Variants in SLC35F3 observed in about 807,000 individuals in gnomAD.
SLC35F3 encodes the protein putative thiamine transporter SLC35F3.
Under a neutral mutation model 49.9 loss-of-function variants are expected in SLC35F3, and 25 were observed. The ratio of observed to expected loss-of-function variants is 0.50; its 90% CI spans 0.37 to 0.70. SLC35F3 has a LOEUF of 0.70. Ranked by LOEUF, SLC35F3 falls within the 30% of genes least tolerant of loss-of-function variation. The pLI is 0.00. For missense variants in SLC35F3, 525 were observed against 639.8 expected, an observed-to-expected ratio of 0.82 and a Z score of 1.94; for synonymous variants, 275 against 265.4, an observed-to-expected ratio of 1.04 and a Z score of -0.35.
chr1:234,157,836 C>T (rs1252726654), intron 2 of SLC35F3, among the ~76,000 whole-genome samples: 1 of 152,164 alleles, frequency 6.6e-6, no homozygotes, highest in African/African-American at 2.4e-5. Context: ...CCAGAAATAA[C>T]TCTGTTGAAA....
intron 2 of SLC35F3, among the ~76,000 whole-genome samples, chr1:234,087,389 A>G (rs1170403207): frequency 6.6e-6 from 1 of 152,230 alleles, no homozygotes; most frequent in Non-Finnish European, 1.5e-5. Context: ...TGGAGCCGGT[A>G]TTATCCGAAG....
chr1:234,035,457 G>A (rs1664128536), intron 2 of SLC35F3, among the ~76,000 whole-genome samples: 1 of 152,062 alleles, frequency 6.6e-6, no homozygotes, highest in Non-Finnish European at 1.5e-5. Flanking sequence ...GCCTTAACGT[G>A]GGTTTATTTT....
At chr1:233,974,960 T>C (rs962534572) in intron 2 of SLC35F3, among the ~76,000 whole-genome samples, 3 of 152,180 alleles carry the variant, frequency 2.0e-5, no homozygotes, top group South Asian at 4.1e-4. Context: ...CAGAAAGGCT[T>C]AGAGAGAAGA....
At chr1:234,296,483 G>A (rs1251640395) in intron 3 of SLC35F3, among the ~76,000 whole-genome samples, 1 of 152,194 alleles carries the variant, frequency 6.6e-6, no homozygotes, top group Non-Finnish European at 1.5e-5. Flanking sequence ...ATGTGCAGAG[G>A]TTCAGAAGGT....
chr1:234,137,653 C>T (rs186320253), intron 2 of SLC35F3, among the ~76,000 whole-genome samples: 24 of 152,238 alleles, frequency 1.6e-4, no homozygotes, highest in Non-Finnish European at 2.4e-4. Flanking sequence ...ATCTTCGTGT[C>T]GTTAGTTACA....
chr1:234,230,601 G>A (rs778889867), intron 2 of SLC35F3, among the ~76,000 whole-genome samples: 1 of 152,188 alleles, frequency 6.6e-6, no homozygotes, highest in Non-Finnish European at 1.5e-5. Flanking sequence ...GCAAACAGTG[G>A]AAAATAACGC....
chr1:234,001,192 G>T (rs1473523489), intron 2 of SLC35F3, among the ~76,000 whole-genome samples: 5 of 152,138 alleles, frequency 3.3e-5, no homozygotes, highest in Non-Finnish European at 5.9e-5. Context: ...ACCTCAAAGT[G>T]TTCACACTTT....
At chr1:233,932,732 A>G (rs920560435) in intron 2 of SLC35F3, among the ~76,000 whole-genome samples, 8 of 152,292 alleles carry the variant, frequency 5.3e-5, no homozygotes, top group African/African-American at 1.9e-4. Context: ...CAGGATGATG[A>G]CCACCTAGGA....
At chr1:234,282,658 A>C (rs1668348656) in intron 3 of SLC35F3, among the ~76,000 whole-genome samples, 2 of 152,194 alleles carry the variant, frequency 1.3e-5, no homozygotes, top group African/African-American at 2.4e-5. Flanking sequence ...GCTCTCACCC[A>C]GTTCTTTTTG....
intron 2 of SLC35F3, among the ~76,000 whole-genome samples, chr1:234,188,250 A>AG (rs1349237261): frequency 6.6e-6 from 1 of 151,906 alleles, no homozygotes; most frequent in East Asian, 1.9e-4. Context: ...AAAAAAAAAA[A>AG]AAGTCCTGCT....
In SLC35F3 at chr1:234,323,554, G is replaced by T. The variant is rs750074113; in HGVS notation, c.*311G>T. On this transcript the variant is annotated 3_prime_UTR_variant, in exon 8 of 8. Coordinates refer to ENST00000366618, the MANE Select transcript of SLC35F3 (RefSeq NM_173508.4). The surrounding 1 kb of genome is among the most constrained non-coding windows in gnomAD (Gnocchi z 4.5). ...CTTGACAAGCCAGCCATCAGGGCAAGTGTTTTGAATCTTAGCAAGTGTTTT... is the reference window on the plus strand; with the variant it reads ...CTTGACAAGCCAGCCATCAGGGCAATTGTTTTGAATCTTAGCAAGTGTTTT... 23 of 394,936 alleles carry T rather than the reference G, an allele frequency of 5.8e-5. No individual in the cohort carries two copies. Among genetic ancestry groups the T allele is most frequent in the Admixed American group, 2.1e-4 (5 of 23,938 alleles). The allele number at this position is 394,936 out of a possible 1,614,324, so 24.5% of individuals were successfully genotyped here.
intron 3 of SLC35F3, among the ~76,000 whole-genome samples, chr1:234,248,019 A>G (rs1667669280): frequency 1.4e-5 from 2 of 144,188 alleles, no homozygotes; most frequent in Middle Eastern, 5.9e-3. Context: ...CGGTGGGTTG[A>G]TTGGCTGGTC....
chr1:233,953,159 G>A (rs144733037), intron 2 of SLC35F3, among the ~76,000 whole-genome samples: 5 of 152,230 alleles, frequency 3.3e-5, no homozygotes, highest in East Asian at 1.9e-4. Flanking sequence ...ATAACATTGA[G>A]TTGTGAGAAT....
rs1253813366 is a variant in SLC35F3 at position 233,928,991 on chromosome 1, T to TA, written c.283+23234dup. On this transcript the variant is annotated intron_variant, in intron 2 of 7. Transcript: ENST00000366618. ...AAGTCTTAGTGGCTTCAAGCAATAG[T>TA]ACAAACATTTAAAGCCTGTGTTCTC... Among the ~76,000 whole-genome samples the TA allele has an allele frequency of 2.6e-5, 4 of 152,260 alleles. No individual in the cohort carries two copies. The East Asian group carries it at 5.8e-4, about 22-fold the overall frequency.
chr1:233,954,297 C>A (rs1006540601), intron 2 of SLC35F3, among the ~76,000 whole-genome samples: 35 of 152,294 alleles, frequency 2.3e-4, no homozygotes, highest in Middle Eastern at 3.4e-3. Flanking sequence ...TGAGCCACTG[C>A]TCCCGGCCTA....
At chr1:234,268,965 C>T (rs2102973269) in intron 3 of SLC35F3, 1 of 152,202 alleles carries the variant, frequency 6.6e-6, no homozygotes, top group Middle Eastern at 3.4e-3. Context: ...ATATATAGTA[C>T]ATACCTATTA....
Position 234,214,348 on chromosome 1 carries a change from A to G in SLC35F3, c.284-17069A>G. ...ACGCGGCAACCGGAGCCCGGCGGGC[A>G]GCCGGGGAGGCCGGGACTGAGAGGG... is the stretch of plus-strand genomic sequence containing the variant. On this transcript the variant is annotated intron_variant, in intron 2 of 7. Transcript: ENST00000366618. The surrounding 1 kb of genome is among the most constrained non-coding windows in gnomAD (Gnocchi z 8.0). 2.3e-6 allele frequency: 3 copies of G among 1,314,542 alleles called. No individual in the cohort carries two copies. The highest frequency in any genetic ancestry group is 2.9e-6 in the Non-Finnish European group (3 of 1,033,390). 81.4% of individuals were successfully genotyped at this position (1,314,542 alleles called of 1,614,324 possible).
At chr1:234,262,714 T>C (rs958216238) in intron 3 of SLC35F3, among the ~76,000 whole-genome samples, 1 of 152,222 alleles carries the variant, frequency 6.6e-6, no homozygotes, top group African/African-American at 2.4e-5. Flanking sequence ...CTTCAGGCAC[T>C]GGTACAGAAT....
chr1:234,238,574 T>G (rs908385109), intron 3 of SLC35F3, among the ~76,000 whole-genome samples: 3 of 152,196 alleles, frequency 2.0e-5, no homozygotes, highest in African/African-American at 7.2e-5. Context: ...CCTATCATTG[T>G]GGTATTCATA....
Sources: gnomAD v4.1 joint callset for allele counts (sites outside exome capture counted in the v4.1 genomes callset) on GRCh38, gnomAD v4.1.1 for gene constraint, Gnocchi (gnomAD v3.1) non-coding constraint, MANE v1.5 for transcripts, NCBI Gene and HGNC (gene_info 2026-07-23, HGNC 2026-07-21) for gene names.